Variants in EGF observed in about 807,000 individuals in gnomAD.
EGF encodes epidermal growth factor.
Under a neutral mutation model 143.8 loss-of-function variants are expected in EGF, and 95 were observed. That is an observed-to-expected ratio of 0.66 (90% CI 0.56 to 0.78). The LOEUF (loss-of-function observed/expected upper bound fraction) is 0.78, where lower values mean the gene tolerates loss of function less well. Among genes scored for constraint, EGF ranks in the 30% least tolerant of loss-of-function variants. The pLI is 0.00. For missense variants in EGF, 1,320 were observed against 1,470.9 expected (o/e 0.90, Z 1.68); for synonymous variants, 510 against 510.5 (o/e 1.00, Z 0.01).
At chr4:109,960,060 C>T (rs1745442053) in intron 6 of EGF, among the ~76,000 whole-genome samples, 1 of 152,158 alleles carries the variant, frequency 6.6e-6, no homozygotes, top group South Asian at 2.1e-4. Flanking sequence ...TAGCATCTGC[C>T]TGTTAATTAT....
intron 20 of EGF, among the ~76,000 whole-genome samples, chr4:109,996,908 C>T (rs907542680): frequency 1.3e-5 from 2 of 152,174 alleles, no homozygotes; most frequent in South Asian, 2.1e-4. Context: ...CTTCTTTAGA[C>T]CAAGACCCCC....
intron 20 of EGF, 120 bp downstream of exon 20, chr4:109,995,000 T>C (rs918029852): frequency 7.5e-5 from 97 of 1,289,518 alleles, no homozygotes; most frequent in Middle Eastern, 2.1e-4. Context: ...TTTGGAAAAA[T>C]ATAAACATAC....
chr4:109,974,525 G>A (rs752311955), intron 11 of EGF, among the ~76,000 whole-genome samples, 178 bp from the exon 12 acceptor site: 1 of 152,154 alleles, frequency 6.6e-6, no homozygotes, highest in Non-Finnish European at 1.5e-5. Flanking sequence ...TGGGCTTATT[G>A]CTGCTACTTT....
intron 19 of EGF, among the ~76,000 whole-genome samples, chr4:109,993,758 C>T (rs766104664): frequency 1.3e-5 from 2 of 152,122 alleles, no homozygotes; most frequent in African/African-American, 2.4e-5. Context: ...TAAAATATTA[C>T]TTTAAAAAGG....
chr4:109,950,635 A>G (rs1371330603), intron 5 of EGF, among the ~76,000 whole-genome samples: 21 of 152,212 alleles, frequency 1.4e-4, no homozygotes, highest in Non-Finnish European at 1.5e-5. Flanking sequence ...CCTTGTTTAT[A>G]TTACATTCTC....
intron 7 of EGF, among the ~76,000 whole-genome samples, chr4:109,961,450 A>G (rs754056000): frequency 6.6e-6 from 1 of 152,092 alleles, no homozygotes; most frequent in Non-Finnish European, 1.5e-5. Context: ...TCTATAATCT[A>G]TGTATTATAG....
chr4:109,938,762 AACAG>A (rs937955193), intron 1 of EGF, among the ~76,000 whole-genome samples: 13 of 152,140 alleles, frequency 8.5e-5, no homozygotes, highest in Non-Finnish European at 1.9e-4. Flanking sequence ...TTTTCCTTCT[AACAG>A]ACAGGCCACT....
intron 13 of EGF, chr4:109,977,245 C>G (rs945126989): frequency 2.6e-5 from 4 of 152,142 alleles, no homozygotes; most frequent in African/African-American, 7.2e-5. Context: ...CATGGTTTCT[C>G]TCATTTAGGA....
At chr4:110,003,103 C>A (rs940841039) in intron 21 of EGF, among the ~76,000 whole-genome samples, 1 of 152,092 alleles carries the variant, frequency 6.6e-6, no homozygotes, top group Admixed American at 6.5e-5. Context: ...TTTGCCATTG[C>A]GAACAGTGCT....
At chr4:109,946,271 A>G (rs1337220218) in intron 5 of EGF, among the ~76,000 whole-genome samples, 16 of 152,192 alleles carry the variant, frequency 1.1e-4, no homozygotes. Flanking sequence ...TCCCCTACAT[A>G]AAATCCTTCA....
At chr4:109,956,812 T>G (rs1744863780) in intron 5 of EGF, among the ~76,000 whole-genome samples, 1 of 152,168 alleles carries the variant, frequency 6.6e-6, no homozygotes, top group Non-Finnish European at 1.5e-5. Context: ...TGCATTTAAT[T>G]TTGTAAAGAG....
chr4:109,996,143 C>T (rs1194246854), intron 20 of EGF, among the ~76,000 whole-genome samples: 1 of 152,100 alleles, frequency 6.6e-6, no homozygotes, highest in African/African-American at 2.4e-5. Context: ...TTGTTTTCCT[C>T]CATGATACTT....
chr4:109,918,587 C>T (rs1457022206), intron 1 of EGF, among the ~76,000 whole-genome samples: 2 of 152,104 alleles, frequency 1.3e-5, no homozygotes, highest in African/African-American at 4.8e-5. Flanking sequence ...CCCTTCTGGG[C>T]CTCCTACTGA....
At chr4:109,935,037 G>T (rs1417602333) in intron 1 of EGF, among the ~76,000 whole-genome samples, 1 of 151,922 alleles carries the variant, frequency 6.6e-6, no homozygotes, top group Non-Finnish European at 1.5e-5. Context: ...ATTTTCTTGG[G>T]TATAGGGGCT....
chr4:109,997,145 CAG>C (rs1332119659), intron 20 of EGF, among the ~76,000 whole-genome samples: 3 of 152,080 alleles, frequency 2.0e-5, no homozygotes, highest in Admixed American at 6.5e-5. Flanking sequence ...GATGAAATCA[CAG>C]AGAGTTGAAG....
intron 5 of EGF, among the ~76,000 whole-genome samples, chr4:109,954,346 C>T (rs1165561421): frequency 1.3e-5 from 2 of 152,224 alleles, no homozygotes; most frequent in Admixed American, 6.5e-5. Context: ...GCCACTGCGC[C>T]TGGCCAAAAG....
At chr4:109,997,765 A>T (rs1560759945) in intron 20 of EGF, among the ~76,000 whole-genome samples, 1 of 152,026 alleles carries the variant, frequency 6.6e-6, no homozygotes, top group Non-Finnish European at 1.5e-5. Flanking sequence ...TGGGAGGCTG[A>T]GGTGGGAGAA....
At chr4:109,958,887 C>T (rs1745215693) in intron 5 of EGF, among the ~76,000 whole-genome samples, 1 of 141,436 alleles carries the variant, frequency 7.1e-6, no homozygotes. Flanking sequence ...CACTGCACTC[C>T]AGCCTGGGTG....
intron 23 of EGF, among the ~76,000 whole-genome samples, chr4:110,010,543 C>A (rs1455440889): frequency 6.6e-6 from 1 of 152,160 alleles, no homozygotes; most frequent in Non-Finnish European, 1.5e-5. Context: ...CTTGGCCTCC[C>A]CAGGCTCAAG....
Sources: allele counts gnomAD v4.1 joint callset (sites outside exome capture counted in the v4.1 genomes callset), GRCh38; gene constraint gnomAD v4.1.1; transcripts MANE v1.5; gene names NCBI Gene and HGNC (gene_info 2026-07-23, HGNC 2026-07-21).